The following GRIK3 variants were observed in gnomAD, a reference collection of about 807,000 sequenced individuals.
GRIK3 encodes the protein glutamate ionotropic receptor kainate type subunit 3.
Under a neutral mutation model 102.5 loss-of-function variants are expected in GRIK3, and 29 were observed. The ratio of observed to expected loss-of-function variants is 0.28; its 90% CI spans 0.21 to 0.39. The LOEUF (loss-of-function observed/expected upper bound fraction) is 0.39, where lower values mean the gene tolerates loss of function less well. Ranked by LOEUF, GRIK3 falls within the 10% of genes least tolerant of loss-of-function variation. The pLI, the probability that GRIK3 is intolerant of heterozygous loss-of-function variation, is 1.00. For missense variants in GRIK3, 908 were observed against 1,252.4 expected (o/e 0.73, Z 4.15); for synonymous variants, 511 against 504.9 (o/e 1.01, Z -0.16).
chr1:37,027,027 G>C (rs916881420), intron 1 of GRIK3, among the ~76,000 whole-genome samples: 1 of 152,108 alleles, frequency 6.6e-6, no homozygotes, highest in African/African-American at 2.4e-5. Context: ...CTTGTCTAGT[G>C]GGGGAGGCAC....
intron 1 of GRIK3, among the ~76,000 whole-genome samples, chr1:37,014,390 A>G (rs1340449377): frequency 1.3e-5 from 2 of 152,244 alleles, no homozygotes; most frequent in African/African-American, 4.8e-5. Context: ...GGGGGAAAGA[A>G]GCCAGGCAAG....
rs540609350 is a variant in GRIK3, at chr1:36,964,433, C to T, written c.115+69561G>A. On this transcript the variant is annotated intron_variant, in intron 1 of 15. Transcript: ENST00000373091. Reference sequence around the variant, plus strand: ...CTCCACACAGTGACCCCTCTCCCCTCCTCACACATGCAGCATCCATAGACA... The same window carrying T: ...CTCCACACAGTGACCCCTCTCCCCTTCTCACACATGCAGCATCCATAGACA... Among the ~76,000 whole-genome samples the T allele has an allele frequency of 3.9e-5, 6 of 152,326 alleles. No homozygotes were observed. The South Asian group carries it at 1.0e-3, about 26-fold the overall frequency.
At chr1:36,912,104 C>G (rs1401586552) in intron 1 of GRIK3, among the ~76,000 whole-genome samples, 1 of 152,152 alleles carries the variant, frequency 6.6e-6, no homozygotes, top group Non-Finnish European at 1.5e-5. Flanking sequence ...TCACGCACAC[C>G]TTCCTCTGCG....
At chr1:37,009,105 T>C (rs1642561999) in intron 1 of GRIK3, among the ~76,000 whole-genome samples, 1 of 144,946 alleles carries the variant, frequency 6.9e-6, no homozygotes, top group Non-Finnish European at 1.5e-5. Context: ...ATAATAATAA[T>C]ATCAACCTCG....
chr1:36,873,585 C>T (rs1027126121), intron 3 of GRIK3, among the ~76,000 whole-genome samples: 1 of 152,072 alleles, frequency 6.6e-6, no homozygotes, highest in African/African-American at 2.4e-5. Flanking sequence ...CCTAGTCATC[C>T]CCAGGACTCA....
At chr1:36,947,490 C>A (rs1284515730) in intron 1 of GRIK3, among the ~76,000 whole-genome samples, 1 of 152,158 alleles carries the variant, frequency 6.6e-6, no homozygotes, top group Non-Finnish European at 1.5e-5. Context: ...AAATTCTTTA[C>A]CCTAGAATTC....
At chr1:36,836,263 G>C (rs1640377148) in intron 10 of GRIK3, among the ~76,000 whole-genome samples, 1 of 152,376 alleles carries the variant, frequency 6.6e-6, no homozygotes, top group South Asian at 2.1e-4. Context: ...GGGCACTGGG[G>C]TCATGGCCTT....
At chr1:36,990,142 C>T (rs1642349165) in intron 1 of GRIK3, among the ~76,000 whole-genome samples, 1 of 152,116 alleles carries the variant, frequency 6.6e-6, no homozygotes, top group South Asian at 2.1e-4. Flanking sequence ...CTTCCAGAAA[C>T]CCGGACCTGC....
At position 36,801,864 on chromosome 1, in the gene GRIK3, G is replaced by T; in HGVS notation, c.2747C>A (p.Pro916His). The stretch of plus-strand genomic sequence containing the variant: ...CCCCAGCTGTGCCTAGGGGAACACA[G>T]GGGCTAAGGATGTGCTGCAGGCCAT... ...DSMACSTSLAPVFP is the reference protein window; with the variant it reads ...DSMACSTSLAHVFP The change falls in exon 16 of 16, where the codon CCT becomes CAT. Residue 916 changes from proline to histidine, a missense_variant. This residue lies in a region of GRIK3 where 297 missense variants were observed against 362.7 expected (regional missense o/e 0.82). Transcript: ENST00000373091. The T allele has an allele frequency of 6.2e-7, 1 of 1,606,106 alleles. No individual in the cohort carries two copies. The highest frequency in any genetic ancestry group is 8.5e-7 in the Non-Finnish European group (1 of 1,176,106).
At chr1:36,924,756 C>G (rs920429734) in intron 1 of GRIK3, among the ~76,000 whole-genome samples, 2 of 152,190 alleles carry the variant, frequency 1.3e-5, no homozygotes, top group South Asian at 4.1e-4. Context: ...ACTGTGCTCC[C>G]CAGGGCCCAG....
chr1:36,853,441 T>C (rs762295243), intron 8 of GRIK3, among the ~76,000 whole-genome samples, 174 bp downstream of exon 8: 2 of 152,150 alleles, frequency 1.3e-5, no homozygotes, highest in African/African-American at 2.4e-5. Context: ...CCAGGCCTTC[T>C]TGTTCTCTGA....
intron 1 of GRIK3, among the ~76,000 whole-genome samples, chr1:36,990,886 C>T (rs144460671): frequency 5.0e-4 from 76 of 152,224 alleles, no homozygotes; most frequent in African/African-American, 1.7e-3. Flanking sequence ...ACTCAAGTCT[C>T]GACCTTGCTG....
chr1:36,972,826 T>C (rs1403741194), intron 1 of GRIK3, among the ~76,000 whole-genome samples: 1 of 152,160 alleles, frequency 6.6e-6, no homozygotes, highest in African/African-American at 2.4e-5. Flanking sequence ...CCCAGTTCCA[T>C]GTGACCCTTT....
intron 7 of GRIK3, among the ~76,000 whole-genome samples, chr1:36,855,363 T>A (rs959933356): frequency 3.9e-5 from 6 of 152,136 alleles, no homozygotes; most frequent in Admixed American, 3.3e-4. Context: ...ACCCACAAGG[T>A]CAGGGGTCCA....
chr1:36,965,402 C>G lies in GRIK3; in HGVS notation c.115+68592G>C, dbSNP rs138665120. On this transcript the variant is annotated intron_variant, in intron 1 of 15. Coordinates refer to ENST00000373091, the MANE Select transcript of GRIK3 (RefSeq NM_000831.4). Reference sequence around the variant, plus strand: ...ATAACATCTTAACACAGAGGCCACACTCGCCAGCGAACAGTGAGTCACTGC... The same window carrying G: ...ATAACATCTTAACACAGAGGCCACAGTCGCCAGCGAACAGTGAGTCACTGC... 2.6e-3 allele frequency among the ~76,000 whole-genome samples: 396 copies of G among 152,274 alleles called. 2 individuals carry two copies. Among genetic ancestry groups the G allele is most frequent in the African/African-American group, 8.9e-3 (368 of 41,552 alleles).
intron 13 of GRIK3, 111 bp downstream of exon 13, chr1:36,816,949 A>G: frequency 1.4e-6 from 1 of 729,314 alleles, no homozygotes; most frequent in Non-Finnish European, 2.3e-6. Context: ...CTTCTGACCC[A>G]TTGGCCATGC....
chr1:36,975,121 G>C (rs1415116109), intron 1 of GRIK3, among the ~76,000 whole-genome samples: 1 of 152,118 alleles, frequency 6.6e-6, no homozygotes. Flanking sequence ...TACGGAATCA[G>C]ATACTTAAAA....
At chr1:36,992,039 G>A (rs1405641989) in intron 1 of GRIK3, among the ~76,000 whole-genome samples, 4 of 152,140 alleles carry the variant, frequency 2.6e-5, no homozygotes, top group Admixed American at 2.6e-4. Context: ...TGGTTCCCAG[G>A]AGAAAGCCCG....
chr1:36,818,830 C>T (rs1056788996), intron 12 of GRIK3, among the ~76,000 whole-genome samples: 14 of 152,212 alleles, frequency 9.2e-5, no homozygotes, highest in African/African-American at 3.1e-4. Flanking sequence ...CCCTTCCCTG[C>T]CTGCCCCCTA....
Sources: allele counts gnomAD v4.1 joint callset (sites outside exome capture counted in the v4.1 genomes callset), GRCh38; gene constraint gnomAD v4.1.1; regional missense constraint gnomAD v4.1.1; transcripts MANE v1.5; gene names NCBI Gene and HGNC (gene_info 2026-07-23, HGNC 2026-07-21).